PKNOX2: variants seen among roughly 807,000 people sequenced by gnomAD.
The protein encoded by PKNOX2 is homeobox protein PKNOX2.
PKNOX2 carries 14 observed loss-of-function variants against 53.1 expected under a neutral mutation model. The ratio of observed to expected loss-of-function variants is 0.26; its 90% CI spans 0.17 to 0.41. PKNOX2 has a LOEUF of 0.41. Ranked by LOEUF, PKNOX2 falls within the 10% of genes least tolerant of loss-of-function variation. The probability of loss-of-function intolerance (pLI) is 1.00; values close to 1 mark genes in which losing one functional copy is unlikely to be tolerated. For missense variants in PKNOX2, 496 were observed against 602.8 expected, an observed-to-expected ratio of 0.82 and a Z score of 1.85; for synonymous variants, 257 against 242.8, an observed-to-expected ratio of 1.06 and a Z score of -0.54.
intron 12 of PKNOX2, among the ~76,000 whole-genome samples, chr11:125,430,658 C>T (rs995731113): frequency 1.3e-5 from 2 of 151,912 alleles, no homozygotes; most frequent in South Asian, 2.1e-4. Context: ...GGGAGTGGAG[C>T]GTAGGTGTGC....
chr11:125,288,438 G>T (rs1429416868), intron 2 of PKNOX2, among the ~76,000 whole-genome samples: 1 of 152,224 alleles, frequency 6.6e-6, no homozygotes, highest in African/African-American at 2.4e-5. Flanking sequence ...AACACTTCCT[G>T]ATTGAGGCCG....
At chr11:125,269,301 T>A (rs546807695) in intron 2 of PKNOX2, among the ~76,000 whole-genome samples, 63 of 152,272 alleles carry the variant, frequency 4.1e-4, no homozygotes, top group African/African-American at 1.4e-3. Flanking sequence ...CAGGTATTCA[T>A]CATCCTGATG....
chr11:125,300,025 C>T, intron 2 of PKNOX2, among the ~76,000 whole-genome samples: 1 of 152,232 alleles, frequency 6.6e-6, no homozygotes, highest in East Asian at 1.9e-4. Flanking sequence ...ACATGGTTAG[C>T]CCTGGTTGGT....
At chr11:125,407,811 G>A (rs916367640) in intron 7 of PKNOX2, among the ~76,000 whole-genome samples, 9 of 151,988 alleles carry the variant, frequency 5.9e-5, no homozygotes, top group African/African-American at 1.2e-4. Context: ...ATATCAGCAC[G>A]GTTTACACAC....
Position 125,385,575 on chromosome 11 carries a change from G to A in PKNOX2, c.252G>A (p.Thr84=), listed in dbSNP as rs375711475. 26 of 1,610,994 alleles carry A rather than the reference G, an allele frequency of 1.6e-5. No individual in the cohort carries two copies. Among genetic ancestry groups the A allele is most frequent in the Admixed American group, 8.4e-5 (5 of 59,368 alleles). The part of the protein sequence containing the change: ...VYRHPLFPLL[T]LLFEKCEQAT... The stretch of plus-strand genomic sequence containing the variant: ...GGCACCCTCTTTTCCCGCTCCTGAC[G>A]CTGCTGTTTGAGAAATGTGAACAGG... Residue 84 remains threonine, a synonymous_variant, in exon 6 of 13, where the codon ACG becomes ACA. Coordinates refer to ENST00000298282, the MANE Select transcript of PKNOX2 (RefSeq NM_001382323.2).
intron 10 of PKNOX2, among the ~76,000 whole-genome samples, chr11:125,412,644 G>A (rs890317500): frequency 5.9e-5 from 9 of 152,296 alleles, no homozygotes; most frequent in African/African-American, 2.2e-4. Flanking sequence ...GCGCTGGTGT[G>A]TGTGTGTTCT....
At chr11:125,294,304 C>T (rs1016513806) in intron 2 of PKNOX2, among the ~76,000 whole-genome samples, 1 of 152,054 alleles carries the variant, frequency 6.6e-6, no homozygotes, top group East Asian at 1.9e-4. Flanking sequence ...TGAGGTAAGC[C>T]CCCCCATCTT....
At chr11:125,318,231 T>A (rs1201291389) in intron 2 of PKNOX2, among the ~76,000 whole-genome samples, 1 of 151,964 alleles carries the variant, frequency 6.6e-6, no homozygotes, top group East Asian at 1.9e-4. Context: ...CTCAGCCTCC[T>A]CAGTAGCTGG....
intron 2 of PKNOX2, among the ~76,000 whole-genome samples, chr11:125,317,415 G>A (rs1399095279): frequency 6.6e-6 from 1 of 152,218 alleles, no homozygotes; most frequent in Non-Finnish European, 1.5e-5. Context: ...ATCTATGGCA[G>A]CAAGAGCCTT....
chr11:125,180,401 A>T (rs1279347823), intron 1 of PKNOX2, among the ~76,000 whole-genome samples: 1 of 152,208 alleles, frequency 6.6e-6, no homozygotes, highest in African/African-American at 2.4e-5. Context: ...ATGAATGGGG[A>T]GAGCTGTTTG....
chr11:125,362,969 A>G (rs1157013124), intron 4 of PKNOX2, among the ~76,000 whole-genome samples: 1 of 152,254 alleles, frequency 6.6e-6, no homozygotes, highest in Non-Finnish European at 1.5e-5. Flanking sequence ...TGGGAAAAGA[A>G]GGAACCTTCA....
rs539265374 is a variant in PKNOX2, at chr11:125,251,566, G to A, written c.-130+16451G>A. On this transcript the variant is annotated intron_variant, in intron 2 of 12. Coordinates refer to ENST00000298282, the MANE Select transcript of PKNOX2 (RefSeq NM_001382323.2). ...ATTTAAAGAAAGTTTATGAAATAGTGTAAGTCCCTTTATTGATGAGACTCT... is the reference window on the plus strand; with the variant it reads ...ATTTAAAGAAAGTTTATGAAATAGTATAAGTCCCTTTATTGATGAGACTCT... Among the ~76,000 whole-genome samples, 4 of 152,114 alleles carry A rather than the reference G, an allele frequency of 2.6e-5. No individual in the cohort carries two copies. In the South Asian group the frequency reaches 8.3e-4, roughly 32 times the overall value.
At chr11:125,282,437 G>A (rs1946621938) in intron 2 of PKNOX2, among the ~76,000 whole-genome samples, 1 of 152,184 alleles carries the variant, frequency 6.6e-6, no homozygotes, top group Non-Finnish European at 1.5e-5. Flanking sequence ...GAGACCAGTG[G>A]GTGGCAGGCA....
At chr11:125,222,690 GTGTGTATGTGTGTGTGTGC>G (rs1174112224) in intron 1 of PKNOX2, among the ~76,000 whole-genome samples, 7 of 145,052 alleles carry the variant, frequency 4.8e-5, no homozygotes, top group African/African-American at 1.3e-4. Flanking sequence ...GTGCGTATGT[GTGTGTATGTGTGTGTGTGC>G]TGTGTATGTG....
chr11:125,218,176 A>C (rs1940741341), intron 1 of PKNOX2, among the ~76,000 whole-genome samples: 1 of 151,962 alleles, frequency 6.6e-6, no homozygotes, highest in Non-Finnish European at 1.5e-5. Context: ...CTGTGGGAAC[A>C]AACAGGATGA....
chr11:125,363,437 G>A (rs558348679), intron 4 of PKNOX2, among the ~76,000 whole-genome samples: 1 of 152,306 alleles, frequency 6.6e-6, no homozygotes, highest in East Asian at 1.9e-4. Context: ...CTAATAATTG[G>A]CAGAGGAGCA....
intron 2 of PKNOX2, among the ~76,000 whole-genome samples, chr11:125,311,200 A>C (rs1285363166): frequency 6.6e-6 from 1 of 152,164 alleles, no homozygotes; most frequent in Non-Finnish European, 1.5e-5. Context: ...AGATTTGAAA[A>C]TTTGGGCTAA....
intron 1 of PKNOX2, among the ~76,000 whole-genome samples, chr11:125,202,882 C>T (rs184259675): frequency 1.3e-5 from 2 of 152,222 alleles, no homozygotes; most frequent in South Asian, 2.1e-4. Flanking sequence ...TCCTCTCTAC[C>T]CCCAGCTGCC....
chr11:125,419,411 G>T (rs1956052586), intron 10 of PKNOX2, among the ~76,000 whole-genome samples: 1 of 149,694 alleles, frequency 6.7e-6, no homozygotes, highest in Non-Finnish European at 1.5e-5. Flanking sequence ...CAAAACTTTT[G>T]GGGAACCTAT....
Sources: gnomAD v4.1 joint callset for allele counts (sites outside exome capture counted in the v4.1 genomes callset) on GRCh38, gnomAD v4.1.1 for gene constraint, MANE v1.5 for transcripts, NCBI Gene and HGNC (gene_info 2026-07-23, HGNC 2026-07-21) for gene names.